Variants in ASAH2 observed in about 807,000 individuals in gnomAD.
ASAH2 encodes N-acylsphingosine amidohydrolase 2.
In ASAH2, 58 loss-of-function variants were observed where a neutral mutation model predicts 82.9. The observed-to-expected ratio is 0.70, with a 90% CI of 0.57 to 0.87. ASAH2 has a LOEUF of 0.87. ASAH2 is among the 40% of genes least tolerant of loss of function. ASAH2 has a pLI of 0.00. For missense variants in ASAH2, 779 were observed against 834.0 expected, an observed-to-expected ratio of 0.93 and a Z score of 0.81; for synonymous variants, 276 against 289.7, an observed-to-expected ratio of 0.95 and a Z score of 0.48.
At chr10:50,244,294 C>A (rs1012641810) in intron 3 of ASAH2, among the ~76,000 whole-genome samples, 1 of 152,156 alleles carries the variant, frequency 6.6e-6, no homozygotes, top group Non-Finnish European at 1.5e-5. Flanking sequence ...CTCTACAACT[C>A]CTTAAACCAA....
rs781198700 is a variant in ASAH2 at position 50,234,526 on chromosome 10, C to T, written c.714G>A (p.Met238Ile). Residue 238 changes from methionine (M) to isoleucine (I), a missense_variant, in exon 6 of 21, where the codon ATG becomes ATA. Physicochemically the swap from Met to Ile is conservative, Grantham distance 10. Around this residue, in one of 3 missense-constraint regions of ASAH2, gnomAD observed 759 missense variants for 755.2 expected, o/e 1.00. Transcript: ENST00000682911. Reference sequence around the variant, plus strand: ...TATTGATGAAGATTTTGCCTGGTTTCATATTTGTGTGTGCTATGTCAATGC... The same window carrying T: ...TATTGATGAAGATTTTGCCTGGTTTTATATTTGTGTGTGCTATGTCAATGC... ...LKSIDIAHTN[M>I]KPGKIFINKG... 8.7e-6 allele frequency: 14 copies of T among 1,612,894 alleles called. No individual in the cohort carries two copies. In the South Asian group the frequency reaches 1.5e-4, roughly 18 times the overall value.
In ASAH2 at chr10:50,187,158, A is replaced by ACACC. The variant is rs980222554; in HGVS notation, c.*156_*157insGGTG. 6 of 145,382 alleles carry ACACC rather than the reference A, an allele frequency of 4.1e-5. 1 individual carries two copies. Among genetic ancestry groups the ACACC allele is most frequent in the Non-Finnish European group, 9.2e-5 (6 of 65,438 alleles). 9.0% of individuals were successfully genotyped at this position (145,382 alleles called of 1,614,324 possible). Reference sequence around the variant, plus strand: ...CACACACACACACACACACACACACACACACCCCTCCACCCCATTAGCAGT... The same window carrying ACACC: ...CACACACACACACACACACACACACACACCCACACCCCTCCACCCCATTAGCAGT... On this transcript the variant is annotated 3_prime_UTR_variant, in exon 21 of 21. Transcript: ENST00000682911.
At chr10:50,233,448 G>A (rs1404690819) in intron 6 of ASAH2, among the ~76,000 whole-genome samples, 187 bp from the exon 7 acceptor site, 2 of 152,082 alleles carry the variant, frequency 1.3e-5, no homozygotes, top group African/African-American at 2.4e-5. Flanking sequence ...ATGCAATTGC[G>A]ATCAAAGTTT....
intron 8 of ASAH2, among the ~76,000 whole-genome samples, chr10:50,215,879 C>T (rs2813321): frequency 0.69 from 105,571 of 151,960 alleles, 41,044 homozygotes; most frequent in Non-Finnish European, 0.88. Flanking sequence ...TATTGCAGCA[C>T]TATTCACAAT....
intron 15 of ASAH2, 68 bp from the exon 16 acceptor site, chr10:50,202,992 C>A: frequency 9.4e-7 from 1 of 1,064,442 alleles, no homozygotes; most frequent in South Asian, 1.3e-5. Flanking sequence ...TTCTGTTATC[C>A]TTAACACACA....
intron 4 of ASAH2, among the ~76,000 whole-genome samples, chr10:50,239,169 T>A (rs2133228876): frequency 6.6e-6 from 1 of 152,178 alleles, no homozygotes; most frequent in East Asian, 1.9e-4. Context: ...AGATCTTCCA[T>A]AATCTTCATT....
At chr10:50,247,296 T>C (rs1846486541) in intron 2 of ASAH2, among the ~76,000 whole-genome samples, 1 of 150,822 alleles carries the variant, frequency 6.6e-6, no homozygotes, top group Non-Finnish European at 1.5e-5. Flanking sequence ...TAGCTGGGAT[T>C]ACAGGCGTGC....
At chr10:50,206,724 C>T (rs1845309395) in intron 12 of ASAH2, among the ~76,000 whole-genome samples, 1 of 151,802 alleles carries the variant, frequency 6.6e-6, no homozygotes, top group African/African-American at 2.4e-5. Context: ...TGAAAACTCA[C>T]AGAAATGAAG....
At chr10:50,251,174 A>G (rs1846603479) in intron 1 of ASAH2, among the ~76,000 whole-genome samples, 1 of 152,220 alleles carries the variant, frequency 6.6e-6, no homozygotes, top group Admixed American at 6.5e-5. Context: ...AAAACTCAGT[A>G]ATGAGGCTCT....
At chr10:50,209,445 T>G (rs2842101) in intron 12 of ASAH2, among the ~76,000 whole-genome samples, 116,084 of 151,434 alleles carry the variant, frequency 0.77, 46,275 homozygotes, top group Non-Finnish European at 0.88. Flanking sequence ...TGCCTCCCGG[T>G]TTCAAGCGAT....
chr10:50,249,070 G>A (rs997205570), intron 1 of ASAH2, among the ~76,000 whole-genome samples: 1 of 152,220 alleles, frequency 6.6e-6, no homozygotes, highest in Non-Finnish European at 1.5e-5. Flanking sequence ...TTTGGGAGAA[G>A]GCTGGCTGGG....
In ASAH2 at chr10:50,218,641, G is replaced by T; in HGVS notation, c.894-11C>A. ...TGGATGGCAAACCAGCTGTAAAAGAGCAAGAAGCTCTAAATTAATCAGGAG... is the reference window on the plus strand; with the variant it reads ...TGGATGGCAAACCAGCTGTAAAAGATCAAGAAGCTCTAAATTAATCAGGAG... On this transcript the variant is annotated splice_polypyrimidine_tract_variant and intron_variant, in intron 7 of 20. Transcript: ENST00000682911. 1.2e-6 allele frequency: 2 copies of T among 1,613,736 alleles called. No homozygotes were observed. Among genetic ancestry groups the T allele is most frequent in the Non-Finnish European group, 1.7e-6 (2 of 1,179,704 alleles).
At chr10:50,232,690 T>C (rs929058550) in intron 7 of ASAH2, among the ~76,000 whole-genome samples, 14 of 152,182 alleles carry the variant, frequency 9.2e-5, no homozygotes, top group Admixed American at 5.9e-4. Context: ...TTCCTTTAGG[T>C]GTTCTCAGTT....
At chr10:50,246,356 C>T (rs1846458019) in intron 2 of ASAH2, among the ~76,000 whole-genome samples, 1 of 152,174 alleles carries the variant, frequency 6.6e-6, no homozygotes, top group Admixed American at 6.5e-5. Context: ...ATATTATAAA[C>T]TTAGAACAAT....
At chr10:50,194,142 G>A (rs1245134003) in intron 18 of ASAH2, among the ~76,000 whole-genome samples, 3 of 151,156 alleles carry the variant, frequency 2.0e-5, no homozygotes, top group African/African-American at 7.3e-5. Flanking sequence ...AAGTACAAGA[G>A]AAAACATTTC....
chr10:50,245,524 A>G, intron 2 of ASAH2, 70 bp from the exon 3 acceptor site: 2 of 1,348,720 alleles, frequency 1.5e-6, no homozygotes, highest in Non-Finnish European at 2.1e-6. Flanking sequence ...ATTAGAACAC[A>G]ATATATAGGC....
chr10:50,240,670 C>A, intron 4 of ASAH2: 3 of 690,290 alleles, frequency 4.3e-6, no homozygotes, highest in South Asian at 1.5e-5. Flanking sequence ...CCTCTGTTCC[C>A]TCATGAAAGA....
At position 50,202,364 on chromosome 10, in the gene ASAH2, ACT is replaced by A. The variant is rs1335592115; in HGVS notation, c.1761+463_1761+464del. ...ACCAGCCTCCCTCAAACTCTCTGGG[ACT>A]CTGTTTCTTGATATATATCAATATA... On this transcript the variant is annotated intron_variant, in intron 16 of 20. Coordinates refer to ENST00000682911, the MANE Select transcript of ASAH2 (RefSeq NM_019893.4). 3.3e-3 allele frequency among the ~76,000 whole-genome samples: 496 copies of A among 152,084 alleles called. 1 individual carries two copies. The highest frequency in any genetic ancestry group is 0.011 in the African/African-American group (473 of 41,516).
At chr10:50,237,312 C>T (rs1846186587) in intron 4 of ASAH2, among the ~76,000 whole-genome samples, 1 of 152,154 alleles carries the variant, frequency 6.6e-6, no homozygotes, top group Admixed American at 6.6e-5. Flanking sequence ...TAGGAAGCAT[C>T]CTGTCAGCAC....
Sources: allele counts gnomAD v4.1 joint callset (sites outside exome capture counted in the v4.1 genomes callset), GRCh38; gene constraint gnomAD v4.1.1; regional missense constraint gnomAD v4.1.1; transcripts MANE v1.5; gene names NCBI Gene and HGNC (gene_info 2026-07-23, HGNC 2026-07-21).